The following CDKAL1 variants were observed in gnomAD, a reference collection of about 807,000 sequenced individuals.
CDKAL1 encodes the protein threonylcarbamoyladenosine tRNA methylthiotransferase.
Under a neutral mutation model 68.2 loss-of-function variants are expected in CDKAL1, and 32 were observed. The ratio of observed to expected loss-of-function variants is 0.47; its 90% CI spans 0.35 to 0.63. CDKAL1 has a LOEUF of 0.63. CDKAL1 is among the 30% of genes least tolerant of loss of function. The pLI is 0.00. For missense variants in CDKAL1, 606 were observed against 696.7 expected, an observed-to-expected ratio of 0.87 and a Z score of 1.47; for synonymous variants, 234 against 244.3, an observed-to-expected ratio of 0.96 and a Z score of 0.39.
intron 11 of CDKAL1, among the ~76,000 whole-genome samples, chr6:21,009,531 A>T (rs1253164608): frequency 1.3e-5 from 2 of 152,232 alleles, no homozygotes; most frequent in African/African-American, 2.4e-5. Context: ...GGAAATCAGT[A>T]TCAAAGAGAT....
chr6:20,584,668 A>C (rs959275200), intron 4 of CDKAL1, among the ~76,000 whole-genome samples: 7 of 152,190 alleles, frequency 4.6e-5, no homozygotes, highest in African/African-American at 1.7e-4. Context: ...GTATTTGTTC[A>C]ATAGAACTTT....
chr6:21,027,337 A>G (rs935476207), intron 11 of CDKAL1, among the ~76,000 whole-genome samples: 14 of 152,238 alleles, frequency 9.2e-5, no homozygotes, highest in African/African-American at 3.4e-4. Context: ...CACAAGTACC[A>G]CCTCAGCTCT....
At chr6:20,644,322 C>T (rs1477040289) in intron 4 of CDKAL1, among the ~76,000 whole-genome samples, 1 of 152,046 alleles carries the variant, frequency 6.6e-6, no homozygotes, top group Non-Finnish European at 1.5e-5. Flanking sequence ...CTAAGAGGAA[C>T]TATCTTTTGA....
At chr6:20,567,766 T>C (rs1350422926) in intron 4 of CDKAL1, among the ~76,000 whole-genome samples, 10 of 152,170 alleles carry the variant, frequency 6.6e-5, no homozygotes, top group Non-Finnish European at 1.2e-4. Flanking sequence ...CAGGCTGGAG[T>C]GCAGTGGCAT....
intron 13 of CDKAL1, among the ~76,000 whole-genome samples, chr6:21,159,103 T>G (rs1044069568): frequency 7.1e-6 from 1 of 141,348 alleles, no homozygotes; most frequent in Non-Finnish European, 1.6e-5. Flanking sequence ...GAAACCTCCT[T>G]TTTTTTTTTT....
At chr6:20,762,016 G>C (rs561278724) in intron 7 of CDKAL1, among the ~76,000 whole-genome samples, 7 of 152,272 alleles carry the variant, frequency 4.6e-5, no homozygotes, top group Middle Eastern at 6.8e-3. Context: ...TGTGTGAAGT[G>C]GGGGCAGTGA....
intron 9 of CDKAL1, among the ~76,000 whole-genome samples, chr6:20,862,270 G>A (rs546282476): frequency 2.6e-5 from 4 of 152,250 alleles, no homozygotes; most frequent in South Asian, 2.1e-4. Context: ...GTTATATCAC[G>A]GAGTAATAAG....
chr6:20,564,695 A>T (rs1764390243), intron 4 of CDKAL1, among the ~76,000 whole-genome samples: 1 of 152,226 alleles, frequency 6.6e-6, no homozygotes, highest in African/African-American at 2.4e-5. Flanking sequence ...GCTTTTGTAT[A>T]ACAAAAACCA....
intron 12 of CDKAL1, among the ~76,000 whole-genome samples, chr6:21,078,618 T>A (rs1772206417): frequency 6.6e-6 from 1 of 152,162 alleles, no homozygotes; most frequent in African/African-American, 2.4e-5. Flanking sequence ...TCCAACTCAC[T>A]CTTTGCTCCC....
chr6:21,183,632 T>A (rs773088680), intron 13 of CDKAL1, among the ~76,000 whole-genome samples: 7 of 152,214 alleles, frequency 4.6e-5, no homozygotes, highest in Non-Finnish European at 1.0e-4. Flanking sequence ...TGTCTTCTTA[T>A]AATAAATGGA....
chr6:20,891,621 G>A (rs925466136), intron 9 of CDKAL1, among the ~76,000 whole-genome samples: 3 of 146,048 alleles, frequency 2.1e-5, no homozygotes, highest in East Asian at 2.0e-4. Flanking sequence ...TGCAACCTCC[G>A]CCTCCCGGGT....
intron 5 of CDKAL1, among the ~76,000 whole-genome samples, chr6:20,691,821 A>G (rs1451156491): frequency 6.6e-6 from 1 of 152,154 alleles, no homozygotes; most frequent in African/African-American, 2.4e-5. Flanking sequence ...GGTGAGAAGA[A>G]AATATTAAAA....
At chr6:21,108,299 C>CT (rs1258628707) in intron 12 of CDKAL1, 102 bp from the exon 13 acceptor site, 3 of 398,284 alleles carry the variant, frequency 7.5e-6, no homozygotes, top group African/African-American at 7.1e-5. Flanking sequence ...AAAAAAAAAA[C>CT]TTTATGTATG....
At chr6:20,684,100 C>G (rs545948246) in intron 5 of CDKAL1, among the ~76,000 whole-genome samples, 3 of 152,318 alleles carry the variant, frequency 2.0e-5, no homozygotes, top group African/African-American at 7.2e-5. Flanking sequence ...TATCCATTCA[C>G]TTACTGAAGG....
At chr6:20,926,762 T>A (rs549307361) in intron 9 of CDKAL1, among the ~76,000 whole-genome samples, 15 of 152,120 alleles carry the variant, frequency 9.9e-5, no homozygotes, top group Admixed American at 4.6e-4. Context: ...AGGGACTTGA[T>A]AGAAGGTGTC....
At chr6:20,949,007 G>A (rs1764395464) in intron 9 of CDKAL1, among the ~76,000 whole-genome samples, 1 of 152,166 alleles carries the variant, frequency 6.6e-6, no homozygotes, top group Non-Finnish European at 1.5e-5. Context: ...TTTAGCAACA[G>A]CATTATCAAT....
intron 13 of CDKAL1, among the ~76,000 whole-genome samples, chr6:21,193,102 AACC>A (rs1386710482): frequency 6.6e-6 from 1 of 152,104 alleles, no homozygotes; most frequent in Non-Finnish European, 1.5e-5. Flanking sequence ...TACAGGTGTG[AACC>A]ACCACCACAC....
intron 9 of CDKAL1, among the ~76,000 whole-genome samples, chr6:20,888,823 G>A (rs2150574711): frequency 6.6e-6 from 1 of 152,194 alleles, no homozygotes; most frequent in East Asian, 1.9e-4. Context: ...TAGTGCCGCA[G>A]TAAACATACG....
chr6:20,865,187 CTGAT>C (rs968286472), intron 9 of CDKAL1, among the ~76,000 whole-genome samples: 4 of 152,200 alleles, frequency 2.6e-5, no homozygotes, highest in African/African-American at 7.2e-5. Context: ...TTGAGATTTC[CTGAT>C]TGATTGGCCT....
Sources: allele counts gnomAD v4.1 joint callset (sites outside exome capture counted in the v4.1 genomes callset), GRCh38; gene constraint gnomAD v4.1.1; transcripts MANE v1.5; gene names NCBI Gene and HGNC (gene_info 2026-07-23, HGNC 2026-07-21).